ARK2C: variants seen among roughly 807,000 people sequenced by gnomAD.
ARK2C encodes arkadia (RNF111) C-terminal like ring finger ubiquitin ligase 2C.
At chr18:46,426,480 G>C in the ARK2C span, among the ~76,000 whole-genome samples, 1 of 152,198 alleles carries the variant, frequency 6.6e-6, no homozygotes, top group Non-Finnish European at 1.5e-5. Context: ...ATGTGTGCCA[G>C]GTGGGCGTCA....
the ARK2C span, among the ~76,000 whole-genome samples, chr18:46,347,288 A>G: frequency 6.6e-6 from 1 of 152,074 alleles, no homozygotes; most frequent in African/African-American, 2.4e-5. Context: ...TCTTTTCTGG[A>G]GCATCGGGCC....
At chr18:46,351,355 T>A in the ARK2C span, among the ~76,000 whole-genome samples, 41 of 152,036 alleles carry the variant, frequency 2.7e-4, no homozygotes, top group Non-Finnish European at 5.3e-4. Context: ...TCCCTCCAGG[T>A]GCCCCTAGTT....
the ARK2C span, among the ~76,000 whole-genome samples, chr18:46,372,824 C>G: frequency 6.6e-6 from 1 of 152,266 alleles, no homozygotes; most frequent in Non-Finnish European, 1.5e-5. Flanking sequence ...TCTAACCACA[C>G]TGCGGTGCTA....
At chr18:46,436,211 GA>G in the ARK2C span, among the ~76,000 whole-genome samples, 127 of 152,184 alleles carry the variant, frequency 8.3e-4, no homozygotes, top group African/African-American at 2.9e-3. Flanking sequence ...GAGTTCAGGG[GA>G]AAAAAATCTA....
chr18:46,352,562 C>T, the ARK2C span, among the ~76,000 whole-genome samples: 1 of 152,160 alleles, frequency 6.6e-6, no homozygotes, highest in Non-Finnish European at 1.5e-5. Flanking sequence ...GACTCAGGTG[C>T]CTTCTCTCTT....
At chr18:46,460,869 G>C in the ARK2C span, 1 of 152,600 alleles carries the variant, frequency 6.6e-6, no homozygotes. Context: ...CTTGTCAGCA[G>C]ACTGGGGTAA....
At chr18:46,395,888 G>C in the ARK2C span, among the ~76,000 whole-genome samples, 54 of 152,314 alleles carry the variant, frequency 3.5e-4, no homozygotes, top group Admixed American at 3.3e-4. Context: ...CATTCTATGG[G>C]AAAGCCCAGT....
chr18:46,373,592 T>C, the ARK2C span, among the ~76,000 whole-genome samples: 49 of 152,312 alleles, frequency 3.2e-4, no homozygotes, highest in Non-Finnish European at 6.3e-4. Flanking sequence ...GAGGGCTTTA[T>C]AGATCCCCAG....
At chr18:46,388,401 C>T in the ARK2C span, among the ~76,000 whole-genome samples, 1 of 152,174 alleles carries the variant, frequency 6.6e-6, no homozygotes, top group African/African-American at 2.4e-5. Flanking sequence ...TACATTTGAT[C>T]CTGGGACCCT....
At chr18:46,385,381 C>A in the ARK2C span, among the ~76,000 whole-genome samples, 1 of 152,056 alleles carries the variant, frequency 6.6e-6, no homozygotes, top group Non-Finnish European at 1.5e-5. Flanking sequence ...TGTGCCTGTG[C>A]ATGTGTGTGT....
At chr18:46,347,921 C>A in the ARK2C span, among the ~76,000 whole-genome samples, 1 of 152,102 alleles carries the variant, frequency 6.6e-6, no homozygotes, top group Non-Finnish European at 1.5e-5. Context: ...TTGGACCAGG[C>A]CCCGTGCAGG....
chr18:46,403,172 C>A, the ARK2C span, among the ~76,000 whole-genome samples: 17,504 of 152,240 alleles, frequency 0.11, 1,197 homozygotes, highest in East Asian at 0.28. Context: ...TGCTTCCAGG[C>A]CATTGGAATC....
At chr18:46,351,593 G>A in the ARK2C span, among the ~76,000 whole-genome samples, 1 of 152,196 alleles carries the variant, frequency 6.6e-6, no homozygotes, top group African/African-American at 2.4e-5. Flanking sequence ...AAGCAGGACA[G>A]AAATATCCGC....
the ARK2C span, chr18:46,337,258 G>T: frequency 1.7e-5 from 17 of 985,338 alleles, no homozygotes; most frequent in Middle Eastern, 5.2e-4. Context: ...CCAGCAAAAT[G>T]GTTTTCCATT....
At chr18:46,420,973 A>G in the ARK2C span, among the ~76,000 whole-genome samples, 2 of 152,224 alleles carry the variant, frequency 1.3e-5, no homozygotes, top group Middle Eastern at 6.8e-3. Flanking sequence ...CGAACTCTAC[A>G]TGGTTTGCAA....
the ARK2C span, among the ~76,000 whole-genome samples, chr18:46,357,171 T>C: frequency 1.1e-4 from 16 of 152,330 alleles, no homozygotes; most frequent in African/African-American, 3.6e-4. Context: ...ATAAACAATA[T>C]GAAGGACTCC....
chr18:46,417,189 C>T, the ARK2C span, among the ~76,000 whole-genome samples: 2 of 152,236 alleles, frequency 1.3e-5, no homozygotes, highest in African/African-American at 4.8e-5. Flanking sequence ...CCGATTGCCA[C>T]CCTAGTCCAA....
chr18:46,389,875 C>T, the ARK2C span, among the ~76,000 whole-genome samples: 2 of 152,152 alleles, frequency 1.3e-5, no homozygotes, highest in African/African-American at 2.4e-5. Flanking sequence ...ACTATAGGCA[C>T]GTGCCACCAT....
At chr18:46,429,251 A>G in the ARK2C span, among the ~76,000 whole-genome samples, 1 of 152,206 alleles carries the variant, frequency 6.6e-6, no homozygotes. Context: ...GCAAAGATTT[A>G]TTTTTAAAAA....
Sources: gnomAD v4.1 joint callset for allele counts (sites outside exome capture counted in the v4.1 genomes callset) on GRCh38, gnomAD v4.1.1 for gene constraint, MANE v1.5 for transcripts, NCBI Gene and HGNC (gene_info 2026-07-23, HGNC 2026-07-21) for gene names.